The following ATP9A variants were observed in gnomAD, a reference collection of about 807,000 sequenced individuals.
ATP9A encodes the protein probable phospholipid-transporting ATPase IIA.
Under a neutral mutation model 144.1 loss-of-function variants are expected in ATP9A, and 52 were observed. The ratio of observed to expected loss-of-function variants is 0.36; its 90% CI spans 0.29 to 0.45. The LOEUF (loss-of-function observed/expected upper bound fraction) is 0.45. Among genes scored for constraint, ATP9A ranks in the 20% least tolerant of loss-of-function variants. The probability of loss-of-function intolerance (pLI) is 1.00; values close to 1 mark genes in which losing one functional copy is unlikely to be tolerated. For synonymous variants in ATP9A, 582 were observed against 557.4 expected (o/e 1.04, Z -0.62); for missense variants, 947 against 1,392.7 (o/e 0.68, Z 5.09).
At chr20:51,607,149 G>C (rs1413671638) in intron 26 of ATP9A, among the ~76,000 whole-genome samples, 2 of 152,026 alleles carry the variant, frequency 1.3e-5, no homozygotes, top group African/African-American at 2.4e-5. Flanking sequence ...CCACAGTCTG[G>C]GAAGACCCCC....
chr20:51,648,513 A>C (rs1054658069), intron 14 of ATP9A, among the ~76,000 whole-genome samples: 1 of 152,204 alleles, frequency 6.6e-6, no homozygotes, highest in Non-Finnish European at 1.5e-5. Context: ...GTACGTACGC[A>C]GAAGAATATT....
rs750435914 is a variant in ATP9A, at chr20:51,611,394, GTTGT to G, written c.2572-1233_2572-1230del. On this transcript the variant is annotated intron_variant, in intron 23 of 27. Coordinates refer to ENST00000338821, the MANE Select transcript of ATP9A (RefSeq NM_006045.3). The surrounding 1 kb of genome is among the most constrained non-coding windows in gnomAD (Gnocchi z 4.2). ...ATGGTTGTAAAAATGTCAAGAATCT[GTTGT>G]TTATTTTCCAGACCAGTATCAGGAG... Among the ~76,000 whole-genome samples the G allele has an allele frequency of 4.1e-4, 62 of 152,296 alleles. No homozygotes were observed. The Middle Eastern group carries it at 0.01, about 25-fold the overall frequency.
chr20:51,766,804 C>T (rs1310549255), intron 1 of ATP9A, among the ~76,000 whole-genome samples: 1 of 152,150 alleles, frequency 6.6e-6, no homozygotes, highest in East Asian at 1.9e-4. Context: ...CTCGCCACAG[C>T]ACTCCAGCGT....
chr20:51,640,401 T>C (rs1198713925), intron 14 of ATP9A, among the ~76,000 whole-genome samples: 1 of 152,058 alleles, frequency 6.6e-6, no homozygotes, highest in Admixed American at 6.6e-5. Context: ...CTACAAAACG[T>C]CCCGTAACAC....
intron 15 of ATP9A, 108 bp from the exon 16 acceptor site, chr20:51,629,180 C>T: frequency 1.3e-6 from 1 of 777,576 alleles, no homozygotes; most frequent in Non-Finnish European, 2.0e-6. Flanking sequence ...TAACAGACAC[C>T]AATGTTTTTT....
At chr20:51,620,767 G>A (rs1019276094) in intron 19 of ATP9A, among the ~76,000 whole-genome samples, 12 of 152,120 alleles carry the variant, frequency 7.9e-5, no homozygotes, top group African/African-American at 2.4e-4. Flanking sequence ...AACGACACTG[G>A]TTCGTCACAC....
intron 11 of ATP9A, among the ~76,000 whole-genome samples, chr20:51,671,682 C>G (rs1252387489): frequency 6.6e-6 from 1 of 152,130 alleles, no homozygotes; most frequent in Non-Finnish European, 1.5e-5. Context: ...CTCCGTAATT[C>G]TTTCATCTTC....
At chr20:51,731,397 A>G (rs1216684088) in intron 1 of ATP9A, among the ~76,000 whole-genome samples, 1 of 152,020 alleles carries the variant, frequency 6.6e-6, no homozygotes, top group Admixed American at 6.6e-5. Context: ...AGTAAGTACT[A>G]TTATTACATC....
In ATP9A at chr20:51,625,359, G is replaced by A; in HGVS notation, c.1849C>T (p.Arg617Cys). The change falls in exon 18 of 28, where the codon CGC becomes TGC. Residue 617 changes from arginine (R) to cysteine (C), a missense_variant. By Grantham distance (180) the Arg-to-Cys change is radical. Transcript: ENST00000338821. The stretch of plus-strand genomic sequence containing the variant: ...ACACTCAGCTTGGCCTGGACGTAGC[G>A]GGCCTGGGACACACCAGCAGATGCA... The part of the protein sequence containing the change: ...AEEQYQDFEA[R>C]YVQAKLSVHD... 8.1e-6 allele frequency: 13 copies of A among 1,613,184 alleles called. No individual in the cohort carries two copies. The highest frequency in any genetic ancestry group is 1.1e-5 in the Non-Finnish European group (13 of 1,179,466).
At chr20:51,738,055 G>GTCTC in intron 1 of ATP9A, among the ~76,000 whole-genome samples, 1 of 148,648 alleles carries the variant, frequency 6.7e-6, no homozygotes, top group African/African-American at 2.5e-5. Flanking sequence ...TTGAGACAGA[G>GTCTC]TCTCTCTCTG....
chr20:51,763,405 T>G (rs1007414649), intron 1 of ATP9A, among the ~76,000 whole-genome samples: 2 of 151,250 alleles, frequency 1.3e-5, no homozygotes, highest in Non-Finnish European at 2.9e-5. Context: ...CTCTGCCTCC[T>G]GGGTTCACGC....
intron 1 of ATP9A, among the ~76,000 whole-genome samples, chr20:51,742,510 CCTT>C (rs1029347612): frequency 6.6e-6 from 1 of 151,838 alleles, no homozygotes; most frequent in Non-Finnish European, 1.5e-5. Context: ...TGCTCCTCCT[CCTT>C]TACTTTTTTT....
In ATP9A at chr20:51,599,931, T is replaced by C. The variant is rs995443024; in HGVS notation, c.*1280A>G. On this transcript the variant is annotated 3_prime_UTR_variant, in exon 28 of 28. Coordinates refer to ENST00000338821, the MANE Select transcript of ATP9A (RefSeq NM_006045.3). ...TTGAAAACCCAAGAATGCCTTGCTC[T>C]ACCACGTCCCGCGACTGCAAACTCC... is the stretch of plus-strand genomic sequence containing the variant. 10 of 152,238 alleles carry C rather than the reference T, an allele frequency of 6.6e-5. No individual in the cohort carries two copies. The highest frequency in any genetic ancestry group is 2.4e-4 in the African/African-American group (10 of 41,454). 9.4% of individuals were successfully genotyped at this position (152,238 alleles called of 1,614,324 possible). A position where few individuals can be genotyped will look rare whatever the true frequency, so the allele number is the denominator to read the frequency against.
intron 2 of ATP9A, among the ~76,000 whole-genome samples, chr20:51,727,965 C>T (rs6126329): frequency 6.5e-4 from 99 of 151,676 alleles, no homozygotes; most frequent in African/African-American, 2.2e-3. Context: ...ACAACATGAC[C>T]TCAACTCCAT....
chr20:51,666,940 C>T (rs897703306), intron 13 of ATP9A, among the ~76,000 whole-genome samples: 3 of 152,200 alleles, frequency 2.0e-5, no homozygotes, highest in African/African-American at 7.2e-5. Flanking sequence ...CCATCACACA[C>T]GTGGTCCTGT....
chr20:51,632,118 A>G (rs557180327), intron 15 of ATP9A, among the ~76,000 whole-genome samples: 10 of 152,130 alleles, frequency 6.6e-5, no homozygotes, highest in Admixed American at 2.6e-4. Flanking sequence ...TGCCCAGGCT[A>G]GAGCGCAATG....
At chr20:51,621,549 T>C (rs1027721318) in intron 19 of ATP9A, among the ~76,000 whole-genome samples, 1 of 152,180 alleles carries the variant, frequency 6.6e-6, no homozygotes, top group South Asian at 2.1e-4. Flanking sequence ...CACATTGTCT[T>C]GGTCAATGTC....
chr20:51,683,002 G>C (rs1320217152), intron 9 of ATP9A, among the ~76,000 whole-genome samples: 1 of 150,502 alleles, frequency 6.6e-6, no homozygotes, highest in Non-Finnish European at 1.5e-5. Flanking sequence ...TGAGGCAGGA[G>C]AATCGCTTGA....
At chr20:51,667,476 G>A (rs1034604143) in intron 13 of ATP9A, among the ~76,000 whole-genome samples, 1 of 152,218 alleles carries the variant, frequency 6.6e-6, no homozygotes, top group African/African-American at 2.4e-5. Flanking sequence ...GGAGCCTGGT[G>A]GGCATTTGGG....
Sources: gnomAD v4.1 joint callset for allele counts (sites outside exome capture counted in the v4.1 genomes callset) on GRCh38, gnomAD v4.1.1 for gene constraint, Gnocchi (gnomAD v3.1) non-coding constraint, MANE v1.5 for transcripts, NCBI Gene and HGNC (gene_info 2026-07-23, HGNC 2026-07-21) for gene names.